The following SKAP2 variants were observed in gnomAD, a reference collection of about 807,000 sequenced individuals.
SKAP2 encodes the protein src kinase-associated phosphoprotein 2.
A neutral mutation model predicts 54.9 loss-of-function variants in SKAP2; 28 were observed. That is an observed-to-expected ratio of 0.51 (90% CI 0.38 to 0.70). The LOEUF (loss-of-function observed/expected upper bound fraction) is 0.70. Ranked by LOEUF, SKAP2 falls within the 30% of genes least tolerant of loss-of-function variation. The probability of loss-of-function intolerance (pLI) is 0.00; values close to 1 mark genes in which losing one functional copy is unlikely to be tolerated. For missense variants in SKAP2, 356 were observed against 424.1 expected (o/e 0.84, Z 1.41); for synonymous variants, 137 against 134.3 (o/e 1.02, Z -0.14).
chr7:26,685,594 C>T (rs931327900), intron 10 of SKAP2, among the ~76,000 whole-genome samples: 10 of 152,172 alleles, frequency 6.6e-5, no homozygotes, highest in Non-Finnish European at 1.5e-4. Flanking sequence ...TCAGCTCATC[C>T]TTCTAACAGC....
chr7:26,728,197 ACT>A (rs1273734003), intron 6 of SKAP2, among the ~76,000 whole-genome samples: 2 of 152,054 alleles, frequency 1.3e-5, no homozygotes, highest in Non-Finnish European at 2.9e-5. Flanking sequence ...TCTACAATAA[ACT>A]CTATGTTTTT....
intron 3 of SKAP2, among the ~76,000 whole-genome samples, chr7:26,850,180 G>A (rs937280565): frequency 6.6e-6 from 1 of 152,166 alleles, no homozygotes; most frequent in Non-Finnish European, 1.5e-5. Flanking sequence ...AGAGAACAAT[G>A]CTGAAATAAT....
chr7:26,784,125 C>CAA (rs376577431), intron 4 of SKAP2, among the ~76,000 whole-genome samples: 3,093 of 138,830 alleles, frequency 0.022, 94 homozygotes, highest in African/African-American at 0.072. Context: ...AGGGACATTC[C>CAA]AAAAAAAAAA....
At chr7:26,666,364 T>A (rs1361856244), downstream of SKAP2, among the ~76,000 whole-genome samples, 1 of 152,132 alleles carries the variant, frequency 6.6e-6, no homozygotes, top group African/African-American at 2.4e-5. Context: ...TCAGTTCTAT[T>A]TTAAATTATG....
intron 4 of SKAP2, among the ~76,000 whole-genome samples, chr7:26,747,444 A>C (rs1183462996): frequency 6.6e-6 from 1 of 152,120 alleles, no homozygotes. Context: ...CAAGGGTTTA[A>C]CATCTGCTAA....
intron 4 of SKAP2, among the ~76,000 whole-genome samples, chr7:26,819,467 G>A (rs937952372): frequency 1.3e-5 from 2 of 151,996 alleles, no homozygotes; most frequent in Non-Finnish European, 2.9e-5. Flanking sequence ...AATACCTAAT[G>A]TAGATGACGG....
chr7:26,741,552 AAATAAATAAATAAATAAATAAATAAATT>A (rs1172796789), intron 4 of SKAP2, among the ~76,000 whole-genome samples: 2 of 70,944 alleles, frequency 2.8e-5, no homozygotes, highest in Admixed American at 1.5e-4. Context: ...ATAAATAAAT[AAATAAATAAATAAATAAATAAATAAATT>A]AATAAAATGA....
chr7:26,719,621 C>T (rs982479040), intron 9 of SKAP2, among the ~76,000 whole-genome samples: 1 of 152,186 alleles, frequency 6.6e-6, no homozygotes, highest in African/African-American at 2.4e-5. Context: ...GAAACCTCTT[C>T]CTTCCAAGAT....
chr7:26,782,500 C>G (rs1783448899), intron 4 of SKAP2, among the ~76,000 whole-genome samples: 1 of 152,076 alleles, frequency 6.6e-6, no homozygotes, highest in Non-Finnish European at 1.5e-5. Context: ...TATATTAAAA[C>G]CTAACCCCCA....
At chr7:26,785,712 T>A (rs1230235108) in intron 4 of SKAP2, among the ~76,000 whole-genome samples, 1 of 152,206 alleles carries the variant, frequency 6.6e-6, no homozygotes, top group East Asian at 1.9e-4. Context: ...GTTGGACTCC[T>A]AAGAAATCCC....
chr7:26,714,740 G>A (rs1184373533), intron 9 of SKAP2, among the ~76,000 whole-genome samples: 6 of 152,150 alleles, frequency 3.9e-5, no homozygotes, highest in African/African-American at 1.2e-4. Flanking sequence ...GTATGTGTTC[G>A]TGTGGCTATG....
At chr7:26,732,296 C>T (rs1434876615) in intron 6 of SKAP2, among the ~76,000 whole-genome samples, 1 of 152,178 alleles carries the variant, frequency 6.6e-6, no homozygotes, top group Non-Finnish European at 1.5e-5. Flanking sequence ...CATGTCCTGG[C>T]TTGGCAAGGC....
At chr7:26,805,526 C>T (rs567124) in intron 4 of SKAP2, among the ~76,000 whole-genome samples, 78,995 of 151,812 alleles carry the variant, frequency 0.52, 21,191 homozygotes, top group East Asian at 0.86. Flanking sequence ...AGCTTCTACT[C>T]GGCTCTTTCT....
At chr7:26,710,553 A>G (rs1029915255) in intron 9 of SKAP2, among the ~76,000 whole-genome samples, 1 of 152,148 alleles carries the variant, frequency 6.6e-6, no homozygotes, top group Non-Finnish European at 1.5e-5. Context: ...TGAGGTTGGA[A>G]ATGTATGGGA....
At chr7:26,682,258 T>C (rs1193827855) in intron 11 of SKAP2, among the ~76,000 whole-genome samples, 3 of 152,204 alleles carry the variant, frequency 2.0e-5, no homozygotes, top group South Asian at 4.1e-4. Flanking sequence ...CAATAAAGAC[T>C]ACTAGAAAGT....
At chr7:26,751,861 T>C (rs1466947841) in intron 4 of SKAP2, among the ~76,000 whole-genome samples, 1 of 146,196 alleles carries the variant, frequency 6.8e-6, no homozygotes, top group Non-Finnish European at 1.5e-5. Context: ...AAACAGGAGC[T>C]ATCAGTGTGT....
intron 4 of SKAP2, among the ~76,000 whole-genome samples, chr7:26,757,542 T>C (rs944896096): frequency 6.6e-6 from 1 of 152,226 alleles, no homozygotes; most frequent in Non-Finnish European, 1.5e-5. Context: ...ATCTCTGTTT[T>C]TGGTACCAGT....
intron 4 of SKAP2, among the ~76,000 whole-genome samples, chr7:26,744,364 A>C (rs1782515498): frequency 6.6e-6 from 1 of 152,158 alleles, no homozygotes; most frequent in East Asian, 1.9e-4. Flanking sequence ...GGTCAGGTCT[A>C]AACCCAGTCT....
intron 4 of SKAP2, among the ~76,000 whole-genome samples, chr7:26,774,910 C>T (rs1342993421): frequency 6.6e-6 from 1 of 152,126 alleles, no homozygotes; most frequent in Non-Finnish European, 1.5e-5. Context: ...TTGTTACTGT[C>T]TGTGGTAGGT....
Sources: allele counts gnomAD v4.1 joint callset (sites outside exome capture counted in the v4.1 genomes callset), GRCh38; gene constraint gnomAD v4.1.1; transcripts MANE v1.5; gene names NCBI Gene and HGNC (gene_info 2026-07-23, HGNC 2026-07-21).